NACC2: variants seen among roughly 807,000 people sequenced by gnomAD.
NACC2 encodes nucleus accumbens-associated protein 2.
NACC2 carries 8 observed loss-of-function variants against 25.1 expected under a neutral mutation model. That is an observed-to-expected ratio of 0.32 (90% confidence interval 0.19 to 0.57). The LOEUF is 0.57. NACC2 is among the 20% of genes least tolerant of loss of function. NACC2 has a pLI of 0.89. For missense variants in NACC2, 644 were observed against 650.2 expected (o/e 0.99, Z 0.10); for synonymous variants, 435 against 294.7 (o/e 1.48, Z -4.88).
rs1039529389 is a variant in NACC2 at position 136,022,652 on chromosome 9, G to T, written c.887-6223C>A. Reference sequence around the variant, plus strand: ...TGAGGGGGGCTCACCCTGCTGGTCAGTGTCCCCAGGGCCTGGCACACAGCA... The same window carrying T: ...TGAGGGGGGCTCACCCTGCTGGTCATTGTCCCCAGGGCCTGGCACACAGCA... On this transcript the variant is annotated intron_variant, in intron 2 of 5. Coordinates refer to ENST00000277554, the MANE Select transcript of NACC2 (RefSeq NM_144653.5). This position sits in a 1 kb window ranked among gnomAD's most constrained non-coding sequence, Gnocchi z 4.4. Among the ~76,000 whole-genome samples the T allele has an allele frequency of 3.3e-5, 5 of 152,112 alleles. No homozygotes were observed. The highest frequency in any genetic ancestry group is 6.5e-5 in the Admixed American group (1 of 15,272).
chr9:136,044,788 C>A (rs1052581378), intron 2 of NACC2, among the ~76,000 whole-genome samples: 2,288 of 152,318 alleles, frequency 0.015, 56 homozygotes, highest in African/African-American at 0.051. Flanking sequence ...GGCAGGTGTA[C>A]CTTCCGGATG....
intron 1 of NACC2, among the ~76,000 whole-genome samples, chr9:136,052,605 C>T (rs1246042604): frequency 6.6e-6 from 1 of 152,130 alleles, no homozygotes. Context: ...GCGGCAGGCC[C>T]GGGAGTCCAG....
At chr9:136,021,573 C>T (rs1401168039) in intron 2 of NACC2, among the ~76,000 whole-genome samples, 2 of 152,206 alleles carry the variant, frequency 1.3e-5, no homozygotes. Context: ...GTTCAACATA[C>T]ACTTATGACC....
rs1376070490 is a variant in NACC2 at position 136,011,641 on chromosome 9, G to A, written c.1639C>T (p.Pro547Ser). The part of the protein sequence containing the change: ...SVIQEVAAPE[P>S]LPADGQSPPQ... ...GGGCTCTGGCCATCGGCGGGCAGCG[G>A]CTCGGGGGCGGCCACCTCCTGGATG... Residue 547 changes from proline to serine, a missense_variant, in exon 6 of 6, where the codon CCG becomes TCG. Coordinates refer to ENST00000277554, the MANE Select transcript of NACC2 (RefSeq NM_144653.5). 6.4e-6 allele frequency: 9 copies of A among 1,403,114 alleles called. No individual in the cohort carries two copies. Among genetic ancestry groups the A allele is most frequent in the Non-Finnish European group, 7.4e-6 (8 of 1,083,848 alleles). The allele number at this position is 1,403,114 out of a possible 1,614,324, so 86.9% of individuals were successfully genotyped here. A position where few individuals can be genotyped will look rare whatever the true frequency, so the allele number is the denominator to read the frequency against.
chr9:136,049,693 TGTC>T lies in NACC2; in HGVS notation c.826_828del (p.Asp276del). ...TGGCCGTACTGCTCCTCCACCATGG[TGTC>T]GTAGGCCTCGTCGTCCTCCTCGTCC... is the stretch of plus-strand genomic sequence containing the variant. On this transcript the variant is annotated inframe_deletion, in exon 2 of 6. Coordinates refer to ENST00000277554, the MANE Select transcript of NACC2 (RefSeq NM_144653.5). 7.7e-6 allele frequency: 6 copies of T among 779,248 alleles called. No homozygotes were observed. Among genetic ancestry groups the T allele is most frequent in the African/African-American group, 1.7e-5 (1 of 59,132 alleles). 48.3% of individuals were successfully genotyped at this position (779,248 alleles called of 1,614,324 possible).
At chr9:136,091,351 A>AGCCTGGGCTGGGCGTTCTCCCAGGAG (rs1192517964) in intron 1 of NACC2, among the ~76,000 whole-genome samples, 4 of 152,222 alleles carry the variant, frequency 2.6e-5, no homozygotes, top group African/African-American at 9.6e-5. Flanking sequence ...AAGGTCACAC[A>AGCCTGGGCTGGGCGTTCTCCCAGGAG]GCCTGGGCTG....
At chr9:136,059,549 G>A (rs904460125) in intron 1 of NACC2, among the ~76,000 whole-genome samples, 1 of 152,230 alleles carries the variant, frequency 6.6e-6, no homozygotes, top group Non-Finnish European at 1.5e-5. Context: ...GGGGGTTGCC[G>A]AAGTCGGCTA....
chr9:136,073,490 G>C (rs1476311249), intron 1 of NACC2, among the ~76,000 whole-genome samples: 1 of 152,106 alleles, frequency 6.6e-6, no homozygotes, highest in Non-Finnish European at 1.5e-5. Flanking sequence ...CAGTGGACAG[G>C]GGGTGTGAGC....
At chr9:136,036,360 A>G (rs887733982) in intron 2 of NACC2, among the ~76,000 whole-genome samples, 11 of 152,228 alleles carry the variant, frequency 7.2e-5, no homozygotes, top group Admixed American at 7.2e-4. Context: ...ATTAAAAAAA[A>G]CAAACAAGTG....
chr9:136,031,354 C>CA (rs56035900), intron 2 of NACC2, among the ~76,000 whole-genome samples: 1 of 151,846 alleles, frequency 6.6e-6, no homozygotes, highest in Non-Finnish European at 1.5e-5. Flanking sequence ...TTCATTCATT[C>CA]TGAGATAGAG....
chr9:136,037,378 A>T (rs1016008111), intron 2 of NACC2, among the ~76,000 whole-genome samples: 51 of 146,610 alleles, frequency 3.5e-4, no homozygotes, highest in Non-Finnish European at 4.2e-4. Flanking sequence ...CACACACCAC[A>T]CCTGGTTAAT....
chr9:136,029,697 T>C (rs1388324668), intron 2 of NACC2, among the ~76,000 whole-genome samples: 1 of 151,948 alleles, frequency 6.6e-6, no homozygotes, highest in African/African-American at 2.4e-5. Context: ...CAGCAGAAGC[T>C]GCTTGAGGTA....
rs190828903 is a variant in NACC2, at chr9:136,081,078, G to A, written c.-60+14111C>T. Among the ~76,000 whole-genome samples, 7 of 152,204 alleles carry A rather than the reference G, an allele frequency of 4.6e-5. No individual in the cohort carries two copies. The South Asian group carries it at 6.2e-4, about 14-fold the overall frequency. ...AGGGTCACGGATCACGAACGGCTGC[G>A]GGGAGAAGAAACGCGCGTTTCCCAT... On this transcript the variant is annotated intron_variant, in intron 1 of 5. Transcript: ENST00000277554.
intron 1 of NACC2, among the ~76,000 whole-genome samples, chr9:136,051,916 T>TGGAGGAGGA (rs1169257163): frequency 1.4e-5 from 2 of 141,882 alleles, no homozygotes; most frequent in Non-Finnish European, 3.1e-5. Context: ...GAGGAGATGG[T>TGGAGGAGGA]GGAGGAGGAG....
chr9:136,091,840 A>C (rs1437682651), intron 1 of NACC2, among the ~76,000 whole-genome samples: 1 of 151,750 alleles, frequency 6.6e-6, no homozygotes, highest in East Asian at 1.9e-4. Context: ...CTTAAAAAAA[A>C]AACCAACAAC....
In NACC2 at chr9:136,023,578, T is replaced by G. The variant is rs550735187; in HGVS notation, c.887-7149A>C. Among the ~76,000 whole-genome samples, 6 of 152,266 alleles carry G rather than the reference T, an allele frequency of 3.9e-5. No homozygotes were observed. The East Asian group carries it at 1.2e-3, about 29-fold the overall frequency. ...CAGCACCAAGCCTGGTCCTGGAGAC[T>G]CAAGAAGTCCCCAAGTGGTCCAGGC... is the stretch of plus-strand genomic sequence containing the variant. On this transcript the variant is annotated intron_variant, in intron 2 of 5. Coordinates refer to ENST00000277554, the MANE Select transcript of NACC2 (RefSeq NM_144653.5).
At position 136,018,134 on chromosome 9, in the gene NACC2, C is replaced by T. The variant is rs1022366544; in HGVS notation, c.887-1705G>A. Among the ~76,000 whole-genome samples, 24 of 152,156 alleles carry T rather than the reference C, an allele frequency of 1.6e-4. No homozygotes were observed. Among genetic ancestry groups the T allele is most frequent in the African/African-American group, 5.3e-4 (22 of 41,448 alleles). On this transcript the variant is annotated intron_variant, in intron 2 of 5. Coordinates refer to ENST00000277554, the MANE Select transcript of NACC2 (RefSeq NM_144653.5). The surrounding 1 kb of genome is among the most constrained non-coding windows in gnomAD (Gnocchi z 4.4). ...GGCAGCTCCATGCAGAGCCCACCTG[C>T]GGCCGCACCGCACCAGGACGCTCAG...
chr9:136,018,103 G>A lies in NACC2; in HGVS notation c.887-1674C>T, dbSNP rs763935288. On this transcript the variant is annotated intron_variant, in intron 2 of 5. Transcript: ENST00000277554. The surrounding 1 kb of genome is among the most constrained non-coding windows in gnomAD (Gnocchi z 4.4). ...TGGAACCTGCACGTCCAGCAGGCTC[G>A]GGGCAGGCAGCTCCATGCAGAGCCC... Among the ~76,000 whole-genome samples, 4 of 152,164 alleles carry A rather than the reference G, an allele frequency of 2.6e-5. No individual in the cohort carries two copies. The highest frequency in any genetic ancestry group is 1.9e-4 in the East Asian group (1 of 5,188).
intron 1 of NACC2, among the ~76,000 whole-genome samples, chr9:136,067,464 G>T (rs894730702): frequency 1.2e-4 from 19 of 152,128 alleles, no homozygotes; most frequent in African/African-American, 4.6e-4. Context: ...CCTGAGAAAT[G>T]CATCATTAGG....
Sources: allele counts gnomAD v4.1 joint callset (sites outside exome capture counted in the v4.1 genomes callset), GRCh38; gene constraint gnomAD v4.1.1; non-coding constraint Gnocchi (gnomAD v3.1); transcripts MANE v1.5; gene names NCBI Gene and HGNC (gene_info 2026-07-23, HGNC 2026-07-21).